Variants in FGFRL1 observed in about 807,000 individuals in gnomAD.
FGFRL1 encodes fibroblast growth factor receptor-like 1.
Under a neutral mutation model 36.8 loss-of-function variants are expected in FGFRL1, and 24 were observed. The ratio of observed to expected loss-of-function variants is 0.65; its 90% CI spans 0.47 to 0.92. The LOEUF (loss-of-function observed/expected upper bound fraction) is 0.92, where lower values mean the gene tolerates loss of function less well. Among genes scored for constraint, FGFRL1 ranks in the 40% least tolerant of loss-of-function variants. The pLI is 0.00. For missense variants in FGFRL1, 785 were observed against 753.4 expected (o/e 1.04, Z -0.49); for synonymous variants, 422 against 344.1 (o/e 1.23, Z -2.50).
rs749047276 is a variant in FGFRL1, at chr4:1,012,470, G to A, written c.-16G>A. On this transcript the variant is annotated splice_region_variant and 5_prime_UTR_variant, in exon 2 of 7. Coordinates refer to ENST00000510644, the MANE Select transcript of FGFRL1 (RefSeq NM_001004356.3). ...GTGACGGCGCCCCCAATGTCCCCAG[G>A]TCCGGACAGGCCGAGATGACGCCGA... 4.4e-6 allele frequency: 7 copies of A among 1,576,856 alleles called. No homozygotes were observed. The Admixed American group carries it at 8.7e-5, about 20-fold the overall frequency.
At position 1,025,105 on chromosome 4, in the gene FGFRL1, G is replaced by T. The variant is rs750561767; in HGVS notation, c.1273G>T (p.Asp425Tyr). ...GCACCGCCCGCCGGGGACGGCCCGC[G>T]ACCGCAGCGGAGACAAGGACCTTCC... The part of the protein sequence containing the change: ...PGHRPPGTAR[D>Y]RSGDKDLPSL... Residue 425 changes from aspartate (D) to tyrosine (Y), a missense_variant, in exon 7 of 7, where the codon GAC becomes TAC. Coordinates refer to ENST00000510644, the MANE Select transcript of FGFRL1 (RefSeq NM_001004356.3). 1 of 1,610,800 alleles carries T rather than the reference G, an allele frequency of 6.2e-7. No individual in the cohort carries two copies. Among genetic ancestry groups the T allele is most frequent in the African/African-American group, 1.3e-5 (1 of 74,968 alleles).
chr4:1,017,190 C>G, intron 2 of FGFRL1, among the ~76,000 whole-genome samples: 1 of 152,186 alleles, frequency 6.6e-6, no homozygotes, highest in East Asian at 1.9e-4. Flanking sequence ...TGGCCAGGTC[C>G]TGGGTCAGGC....
intron 2 of FGFRL1, among the ~76,000 whole-genome samples, chr4:1,012,768 A>T (rs1715670263): frequency 6.6e-6 from 1 of 152,172 alleles, no homozygotes; most frequent in Admixed American, 6.5e-5. Flanking sequence ...AGCTGGCTGG[A>T]GGGGTTCCCC....
intron 1 of FGFRL1, 67 bp downstream of exon 1, chr4:1,012,021 GGGGGCGGGGA>G (rs908298059): frequency 6.8e-6 from 1 of 146,508 alleles, no homozygotes; most frequent in African/African-American, 2.5e-5. Context: ...GGTCCGGGGC[GGGGGCGGGGA>G]GGGGCGGGTT....
chr4:1,019,422 AG>A (rs1716059781), intron 2 of FGFRL1, among the ~76,000 whole-genome samples: 1 of 152,206 alleles, frequency 6.6e-6, no homozygotes, highest in African/African-American at 2.4e-5. Context: ...TGTGGGCCAC[AG>A]GGGCTGGGCT....
chr4:1,016,073 T>C (rs1577558834), intron 2 of FGFRL1, among the ~76,000 whole-genome samples: 2 of 152,212 alleles, frequency 1.3e-5, no homozygotes, highest in East Asian at 3.9e-4. Context: ...AAGTCCGCCA[T>C]GTGAGTGGGA....
At chr4:1,013,288 C>A (rs867500007) in intron 2 of FGFRL1, among the ~76,000 whole-genome samples, 5 of 152,260 alleles carry the variant, frequency 3.3e-5, no homozygotes. Context: ...GACTCATGCC[C>A]GCCATGTTCC....
rs1716461853 is a variant in FGFRL1, at chr4:1,025,368, G to A, written c.*21G>A. ...GCTAGACGGCACCGTATCTGCAGTG[G>A]GCACGGGGGGGCCGGCCAGACAGGC... On this transcript the variant is annotated 3_prime_UTR_variant, in exon 7 of 7. Transcript: ENST00000510644. 2.0e-6 allele frequency: 3 copies of A among 1,522,564 alleles called. No homozygotes were observed. The African/African-American group carries it at 4.1e-5, about 21-fold the overall frequency. The allele number at this position is 1,522,564 out of a possible 1,614,324, so 94.3% of individuals were successfully genotyped here.
Position 1,024,552 on chromosome 4 carries a change from C to T in FGFRL1, c.960C>T (p.Leu320=), listed in dbSNP as rs748610298. The change falls in exon 6 of 7, where the codon CTC becomes CTT. Residue 320 remains leucine (L), a synonymous_variant. Transcript: ENST00000510644. ...GGTCGCGGCCCGACGGCTCCTACCTCAATAAGCTGCTCATCACCCGTGCCC... is the reference window on the plus strand; with the variant it reads ...GGTCGCGGCCCGACGGCTCCTACCTTAATAAGCTGCTCATCACCCGTGCCC... The part of the protein sequence containing the change: ...DVWSRPDGSY[L]NKLLITRARQ... 4 of 1,612,382 alleles carry T rather than the reference C, an allele frequency of 2.5e-6. No homozygotes were observed. Among genetic ancestry groups the T allele is most frequent in the Non-Finnish European group, 3.4e-6 (4 of 1,179,870 alleles).
intron 3 of FGFRL1, 31 bp downstream of exon 3, chr4:1,022,506 G>C: frequency 6.4e-7 from 1 of 1,561,370 alleles, no homozygotes; most frequent in Non-Finnish European, 8.7e-7. Flanking sequence ...GAGGTCATGG[G>C]CTGGGTTGGA....
rs1485259693 is a variant in FGFRL1, at chr4:1,025,664, AGAACATACAAGGACATGCTGCCT to A, written c.*327_*349del. On this transcript the variant is annotated 3_prime_UTR_variant, in exon 7 of 7. Coordinates refer to ENST00000510644, the MANE Select transcript of FGFRL1 (RefSeq NM_001004356.3). ...GCACGCACACGCACAGAGACATGCC[AGAACATACAAGGACATGCTGCCT>A]GAACATACACACGCACACCCATGCG... 4.3e-6 allele frequency: 2 copies of A among 470,204 alleles called. No individual in the cohort carries two copies. Among genetic ancestry groups the A allele is most frequent in the Non-Finnish European group, 7.7e-6 (2 of 260,282 alleles). 29.1% of individuals were successfully genotyped at this position (470,204 alleles called of 1,614,324 possible). A position where few individuals can be genotyped will look rare whatever the true frequency, so the allele number is the denominator to read the frequency against.
chr4:1,024,409 G>A lies in FGFRL1; in HGVS notation c.817G>A (p.Asp273Asn), dbSNP rs766259424. ...TTSFQCKVRSDVKPVIQWLKR... is the reference protein window; with the variant it reads ...TTSFQCKVRSNVKPVIQWLKR... ...GTCCTTCCAGTGCAAGGTGCGCAGCGACGTGAAGCCGGTGATCCAGTGGCT... is the reference window on the plus strand; with the variant it reads ...GTCCTTCCAGTGCAAGGTGCGCAGCAACGTGAAGCCGGTGATCCAGTGGCT... Residue 273 changes from aspartate to asparagine, a missense_variant, in exon 6 of 7, where the codon GAC (aspartate) becomes AAC (asparagine). Asp to Asn is a conservative substitution (Grantham distance 23). Coordinates refer to ENST00000510644, the MANE Select transcript of FGFRL1 (RefSeq NM_001004356.3). The A allele has an allele frequency of 2.7e-5, 43 of 1,612,522 alleles. No individual in the cohort carries two copies. The highest frequency in any genetic ancestry group is 1.6e-4 in the Middle Eastern group (1 of 6,082).
chr4:1,017,571 T>C (rs1715956420), intron 2 of FGFRL1, among the ~76,000 whole-genome samples: 1 of 152,134 alleles, frequency 6.6e-6, no homozygotes, highest in Admixed American at 6.5e-5. Context: ...TCGGGCTCTG[T>C]AGAGGGGTGG....
chr4:1,014,358 T>C (rs1715772886), intron 2 of FGFRL1, among the ~76,000 whole-genome samples: 1 of 152,236 alleles, frequency 6.6e-6, no homozygotes, highest in Non-Finnish European at 1.5e-5. Context: ...TGAGAGGTTC[T>C]GCATGAAATG....
intron 2 of FGFRL1, among the ~76,000 whole-genome samples, chr4:1,012,971 G>A (rs935102823): frequency 8.5e-5 from 13 of 152,234 alleles, no homozygotes; most frequent in Admixed American, 5.9e-4. Flanking sequence ...CCCCACGGAA[G>A]GCAGGATGGG....
chr4:1,019,713 G>A lies in FGFRL1; in HGVS notation c.80-2490G>A, dbSNP rs1303287777. On this transcript the variant is annotated intron_variant, in intron 2 of 6. Transcript: ENST00000510644. ...AGCCGCCATCTCATTTCCTCTCCGG[G>A]GAGCTGCAGGGAGGGTAGGGAAGGA... Among the ~76,000 whole-genome samples the A allele has an allele frequency of 4.6e-5, 7 of 152,328 alleles. 1 individual carries two copies. The South Asian group carries it at 1.5e-3, about 32-fold the overall frequency.
In FGFRL1 at chr4:1,025,533, C is replaced by T. The variant is rs532423431; in HGVS notation, c.*186C>T. On this transcript the variant is annotated 3_prime_UTR_variant, in exon 7 of 7. Coordinates refer to ENST00000510644, the MANE Select transcript of FGFRL1 (RefSeq NM_001004356.3). ...CACAGACACACACACTGCCTGGATG[C>T]ATGTATGCACACACATGCGCGCACA... 4.6e-5 allele frequency: 33 copies of T among 710,742 alleles called. No homozygotes were observed. The Admixed American group carries it at 5.1e-4, about 11-fold the overall frequency. The allele number at this position is 710,742 out of a possible 1,614,324, so 44.0% of individuals were successfully genotyped here.
intron 2 of FGFRL1, among the ~76,000 whole-genome samples, chr4:1,018,234 C>T (rs1201599978): frequency 6.6e-6 from 1 of 152,194 alleles, no homozygotes; most frequent in Non-Finnish European, 1.5e-5. Context: ...AAAGAGGAGC[C>T]TCTGTCTGGG....
At chr4:1,014,807 A>G (rs1225866463) in intron 2 of FGFRL1, among the ~76,000 whole-genome samples, 1 of 152,120 alleles carries the variant, frequency 6.6e-6, no homozygotes, top group African/African-American at 2.4e-5. Context: ...GAATCGGGCC[A>G]GCCGCCCCGT....
Sources: gnomAD v4.1 joint callset for allele counts (sites outside exome capture counted in the v4.1 genomes callset) on GRCh38, gnomAD v4.1.1 for gene constraint, MANE v1.5 for transcripts, NCBI Gene and HGNC (gene_info 2026-07-23, HGNC 2026-07-21) for gene names.